Variants in TRPM3 observed in about 807,000 individuals in gnomAD.
The protein encoded by TRPM3 is long transient receptor potential channel 3.
In TRPM3, 77 loss-of-function variants were observed where a neutral mutation model predicts 181.2. The ratio of observed to expected loss-of-function variants is 0.42; its 90% CI spans 0.35 to 0.51. The LOEUF is 0.51. Among genes scored for constraint, TRPM3 ranks in the 20% least tolerant of loss-of-function variants. TRPM3 has a pLI of 0.01. For synonymous variants in TRPM3, 745 were observed against 796.4 expected, an observed-to-expected ratio of 0.94 and a Z score of 1.09; for missense variants, 1,759 against 2,196.7, an observed-to-expected ratio of 0.80 and a Z score of 3.98.
intron 1 of TRPM3, among the ~76,000 whole-genome samples, chr9:71,090,480 C>T (rs1314777629): frequency 5.3e-5 from 8 of 152,126 alleles, no homozygotes; most frequent in Admixed American, 2.6e-4. Flanking sequence ...TTTCCAGATC[C>T]ACCACCAACC....
At chr9:70,608,108 C>G (rs1314703593) in intron 19 of TRPM3, among the ~76,000 whole-genome samples, 1 of 152,222 alleles carries the variant, frequency 6.6e-6, no homozygotes, top group Non-Finnish European at 1.5e-5. Flanking sequence ...GTAACCAATC[C>G]AGCTGTTTCT....
chr9:70,751,940 T>C (rs1286562989), intron 8 of TRPM3, among the ~76,000 whole-genome samples: 3 of 151,906 alleles, frequency 2.0e-5, no homozygotes, highest in African/African-American at 7.2e-5. Context: ...AGGAGTCTTC[T>C]GTTGAGCATG....
chr9:71,323,580 A>G (rs1339719670), intron 1 of TRPM3, among the ~76,000 whole-genome samples: 1 of 152,122 alleles, frequency 6.6e-6, no homozygotes, highest in Non-Finnish European at 1.5e-5. Flanking sequence ...ACCCCAAACC[A>G]ATGAACACTT....
At chr9:71,076,998 C>T (rs917364754) in intron 1 of TRPM3, among the ~76,000 whole-genome samples, 2 of 152,186 alleles carry the variant, frequency 1.3e-5, no homozygotes, top group South Asian at 2.1e-4. Context: ...TTCTACACTA[C>T]AAACACTTGG....
intron 8 of TRPM3, among the ~76,000 whole-genome samples, chr9:70,695,021 A>C (rs1399545606): frequency 6.6e-6 from 1 of 152,188 alleles, no homozygotes; most frequent in Non-Finnish European, 1.5e-5. Flanking sequence ...ATATCCCATC[A>C]ATGCCCATGA....
intron 7 of TRPM3, among the ~76,000 whole-genome samples, chr9:70,763,128 C>A (rs566082637): frequency 6.6e-6 from 1 of 152,190 alleles, no homozygotes; most frequent in South Asian, 2.1e-4. Flanking sequence ...CAGGACTATA[C>A]CAACGATCCT....
At chr9:71,304,880 T>C (rs2087123446) in intron 1 of TRPM3, among the ~76,000 whole-genome samples, 1 of 152,156 alleles carries the variant, frequency 6.6e-6, no homozygotes, top group Non-Finnish European at 1.5e-5. Flanking sequence ...GATCATGGTC[T>C]TCTCTCCTTG....
chr9:71,057,509 T>C (rs2060799557), intron 1 of TRPM3, among the ~76,000 whole-genome samples: 1 of 152,078 alleles, frequency 6.6e-6, no homozygotes, highest in East Asian at 1.9e-4. Flanking sequence ...AGGTGTGCCA[T>C]TGTGTTCTAA....
chr9:71,190,440 C>A (rs1389879374), intron 1 of TRPM3, among the ~76,000 whole-genome samples: 1 of 151,888 alleles, frequency 6.6e-6, no homozygotes, highest in East Asian at 1.9e-4. Flanking sequence ...GCTACAGAGA[C>A]TTAATGTAAT....
At chr9:71,124,305 A>G (rs570182069), upstream of TRPM3, among the ~76,000 whole-genome samples, 24 of 150,858 alleles carry the variant, frequency 1.6e-4, no homozygotes, top group African/African-American at 4.9e-4. Flanking sequence ...AGGTCTAATG[A>G]GAAAAAAAAA....
In TRPM3 at chr9:70,945,571, C is replaced by T. The variant is rs79217627; in HGVS notation, c.178-81060G>A. On this transcript the variant is annotated intron_variant, in intron 1 of 25. Coordinates refer to ENST00000677713, the MANE Select transcript of TRPM3 (RefSeq NM_001366145.2). ...AAATGTTAGTCTTACTACTACAGGA[C>T]ATTAACCAACTCCCCAAATTTCCCA... 4.3e-3 allele frequency among the ~76,000 whole-genome samples: 651 copies of T among 152,228 alleles called. 4 individuals are homozygous for T. Among genetic ancestry groups the T allele is most frequent in the African/African-American group, 0.015 (630 of 41,558 alleles).
intron 8 of TRPM3, among the ~76,000 whole-genome samples, chr9:70,699,095 A>G (rs1160742): frequency 0.51 from 77,473 of 152,084 alleles, 20,594 homozygotes; most frequent in Non-Finnish European, 0.58. Context: ...TAAATGACAA[A>G]TAGTCTATGT....
At chr9:70,937,434 C>A (rs550851618) in intron 1 of TRPM3, among the ~76,000 whole-genome samples, 1 of 152,234 alleles carries the variant, frequency 6.6e-6, no homozygotes, top group East Asian at 1.9e-4. Context: ...AAAGCAGTAA[C>A]TCTAATAATG....
chr9:70,685,809 A>G (rs962140200), intron 8 of TRPM3, among the ~76,000 whole-genome samples: 1 of 151,914 alleles, frequency 6.6e-6, no homozygotes, highest in Admixed American at 6.6e-5. Context: ...TCTTAAGTTG[A>G]CTTCCTAGTC....
intron 8 of TRPM3, among the ~76,000 whole-genome samples, chr9:70,756,467 T>G (rs2077100045): frequency 6.6e-6 from 1 of 152,138 alleles, no homozygotes; most frequent in African/African-American, 2.4e-5. Context: ...ATTCATGACT[T>G]GAACTCACCT....
chr9:70,818,040 G>A (rs2092853453), intron 6 of TRPM3, among the ~76,000 whole-genome samples: 2 of 152,172 alleles, frequency 1.3e-5, no homozygotes, highest in Admixed American at 6.5e-5. Flanking sequence ...CAACATTAAC[G>A]TCAGTGTTGG....
intron 8 of TRPM3, among the ~76,000 whole-genome samples, chr9:70,755,019 G>C (rs972182079): frequency 6.6e-6 from 1 of 152,122 alleles, no homozygotes; most frequent in African/African-American, 2.4e-5. Flanking sequence ...TACCGTCCAT[G>C]TACATAAGTA....
chr9:70,829,739 A>G (rs1564486855), intron 5 of TRPM3, among the ~76,000 whole-genome samples: 1 of 152,170 alleles, frequency 6.6e-6, no homozygotes, highest in Non-Finnish European at 1.5e-5. Flanking sequence ...TGGAGCAGTA[A>G]TCAATTACTG....
chr9:70,875,780 A>G (rs2095859187), intron 1 of TRPM3, among the ~76,000 whole-genome samples: 1 of 151,956 alleles, frequency 6.6e-6, no homozygotes, highest in South Asian at 2.1e-4. Flanking sequence ...AACTGGAGGA[A>G]CTGATAACAA....
Sources: allele counts gnomAD v4.1 joint callset (sites outside exome capture counted in the v4.1 genomes callset), GRCh38; gene constraint gnomAD v4.1.1; transcripts MANE v1.5; gene names NCBI Gene and HGNC (gene_info 2026-07-23, HGNC 2026-07-21).